The following GRXCR2 variants were observed in gnomAD, a reference collection of about 807,000 sequenced individuals.
The protein encoded by GRXCR2 is glutaredoxin domain-containing cysteine-rich protein 2.
A neutral mutation model predicts 24.8 loss-of-function variants in GRXCR2; 23 were observed. The observed-to-expected ratio is 0.93, with a 90% confidence interval of 0.67 to 1.32. The LOEUF (loss-of-function observed/expected upper bound fraction) is 1.32, where lower values mean the gene tolerates loss of function less well. GRXCR2 is among the 40% of genes most tolerant of loss of function. GRXCR2 has a pLI of 0.00. For missense variants in GRXCR2, 315 were observed against 303.4 expected (o/e 1.04, Z -0.28); for synonymous variants, 130 against 116.1 (o/e 1.12, Z -0.77).
chr5:145,923,669 T>A (rs1402148265), intron 2 of GRXCR2, among the ~76,000 whole-genome samples: 1 of 152,228 alleles, frequency 6.6e-6, no homozygotes, highest in African/African-American at 2.4e-5. Flanking sequence ...ATTCCCTGCA[T>A]GCACTTAAGT....
rs74686638 is a variant in GRXCR2 at position 145,859,113 on chromosome 5, C to T, written c.*620G>A. On this transcript the variant is annotated 3_prime_UTR_variant, in exon 3 of 3. Transcript: ENST00000377976. ...TCTTGACTTAAGAAATAGTATTGCTCACTGTCTGCATAAATATTATCCAAA... is the reference window on the plus strand; with the variant it reads ...TCTTGACTTAAGAAATAGTATTGCTTACTGTCTGCATAAATATTATCCAAA... 1,196 of 152,638 alleles carry T rather than the reference C, an allele frequency of 7.8e-3. 22 individuals carry two copies. Among genetic ancestry groups the T allele is most frequent in the African/African-American group, 0.027 (1,135 of 41,542 alleles). The allele number at this position is 152,638 out of a possible 1,614,324, so 9.5% of individuals were successfully genotyped here. A position where few individuals can be genotyped will look rare whatever the true frequency, so the allele number is the denominator to read the frequency against.
intron 2 of GRXCR2, among the ~76,000 whole-genome samples, chr5:145,912,820 A>C (rs1393509122): frequency 6.6e-6 from 1 of 152,152 alleles, no homozygotes; most frequent in Non-Finnish European, 1.5e-5. Flanking sequence ...CACCAAGGGC[A>C]GCTTGGACAA....
chr5:145,868,911 GGTT>G (rs1756478299), intron 1 of GRXCR2, among the ~76,000 whole-genome samples: 1 of 152,172 alleles, frequency 6.6e-6, no homozygotes, highest in Non-Finnish European at 1.5e-5. Context: ...CACGTTACGT[GGTT>G]ACATCAAATG....
At chr5:145,896,556 A>G (rs188346609) in intron 2 of GRXCR2, among the ~76,000 whole-genome samples, 129 of 152,372 alleles carry the variant, frequency 8.5e-4, no homozygotes, top group African/African-American at 3.0e-3. Context: ...TGGTCATCAG[A>G]GAAATGCAAA....
intron 2 of GRXCR2, among the ~76,000 whole-genome samples, chr5:145,927,067 C>T (rs966578033): frequency 4.6e-5 from 7 of 152,268 alleles, no homozygotes; most frequent in Middle Eastern, 6.8e-3. Flanking sequence ...GTGATTTTTG[C>T]ACATTGATTT....
At chr5:145,885,340 C>G (rs1054745248) in intron 2 of GRXCR2, among the ~76,000 whole-genome samples, 1 of 152,190 alleles carries the variant, frequency 6.6e-6, no homozygotes, top group African/African-American at 2.4e-5. Flanking sequence ...TTTCAAGAGA[C>G]TATTATATTT....
intron 2 of GRXCR2, among the ~76,000 whole-genome samples, chr5:145,881,871 C>G (rs559083907): frequency 1.3e-5 from 2 of 152,186 alleles, no homozygotes; most frequent in Non-Finnish European, 2.9e-5. Flanking sequence ...CACCACACAT[C>G]TACAACCATC....
chr5:145,928,150 A>G (rs899552978), intron 2 of GRXCR2, among the ~76,000 whole-genome samples: 1 of 151,982 alleles, frequency 6.6e-6, no homozygotes, highest in Non-Finnish European at 1.5e-5. Context: ...ACACATGAAA[A>G]AATGCTCATC....
intron 2 of GRXCR2, among the ~76,000 whole-genome samples, chr5:145,891,837 C>T (rs1245738333): frequency 6.6e-6 from 1 of 152,222 alleles, no homozygotes; most frequent in African/African-American, 2.4e-5. Context: ...ACTGCCTCCT[C>T]AAGTTGGTCC....
At chr5:145,864,147 A>G (rs1756388439) in intron 2 of GRXCR2, among the ~76,000 whole-genome samples, 1 of 152,106 alleles carries the variant, frequency 6.6e-6, no homozygotes, top group Non-Finnish European at 1.5e-5. Flanking sequence ...GATCCCTCTG[A>G]GGAAGTGATG....
chr5:145,921,989 T>G, intron 2 of GRXCR2, among the ~76,000 whole-genome samples: 1 of 152,314 alleles, frequency 6.6e-6, no homozygotes, highest in South Asian at 2.1e-4. Context: ...GGTGAAAACA[T>G]TTGTTGTCAA....
intron 2 of GRXCR2, among the ~76,000 whole-genome samples, chr5:145,884,271 G>C (rs1191396175): frequency 6.6e-6 from 1 of 152,030 alleles, no homozygotes; most frequent in Non-Finnish European, 1.5e-5. Flanking sequence ...ACAAGACACA[G>C]GTCTCATCAA....
chr5:145,871,144 C>A (rs1664815675), intron 1 of GRXCR2, among the ~76,000 whole-genome samples: 1 of 151,988 alleles, frequency 6.6e-6, no homozygotes, highest in African/African-American at 2.4e-5. Context: ...TCAAGCAACC[C>A]AAAATTTATC....
chr5:145,885,963 T>G (rs1756774266), intron 2 of GRXCR2, among the ~76,000 whole-genome samples: 1 of 152,206 alleles, frequency 6.6e-6, no homozygotes, highest in Admixed American at 6.5e-5. Context: ...CTGCCAGGCA[T>G]CCCACAGTCA....
upstream of GRXCR2, among the ~76,000 whole-genome samples, chr5:145,873,318 CAATT>C (rs1450833170): frequency 6.6e-6 from 1 of 152,180 alleles, no homozygotes; most frequent in East Asian, 1.9e-4. Flanking sequence ...ATCAGACACT[CAATT>C]AGTTAACAAG....
rs1484983879 is a variant in GRXCR2, at chr5:145,858,908, C to G, written c.*825G>C. The stretch of plus-strand genomic sequence containing the variant: ...GGTAATCTATAAAATACCTGCAGTC[C>G]TTTATGAAGAGATCATGGCTAGGTT... On this transcript the variant is annotated 3_prime_UTR_variant, in exon 3 of 3. Transcript: ENST00000377976. 2 of 152,162 alleles carry G rather than the reference C, an allele frequency of 1.3e-5. No homozygotes were observed. The highest frequency in any genetic ancestry group is 2.4e-5 in the African/African-American group (1 of 41,508). The allele number at this position is 152,162 out of a possible 1,614,324, so 9.4% of individuals were successfully genotyped here.
intron 2 of GRXCR2, among the ~76,000 whole-genome samples, chr5:145,892,911 G>C (rs111706760): frequency 0.14 from 20,620 of 152,156 alleles, 1,825 homozygotes; most frequent in Admixed American, 0.23. Context: ...AAAGGGAAGC[G>C]CATCAGACTA....
chr5:145,878,425 T>G (rs1254190620), intron 2 of GRXCR2, among the ~76,000 whole-genome samples: 1 of 151,912 alleles, frequency 6.6e-6, no homozygotes, highest in Non-Finnish European at 1.5e-5. Context: ...CTTGATTCAA[T>G]CAAGTGGAGG....
At chr5:145,926,704 A>G (rs1274019420) in intron 2 of GRXCR2, among the ~76,000 whole-genome samples, 1 of 152,104 alleles carries the variant, frequency 6.6e-6, no homozygotes, top group African/African-American at 2.4e-5. Context: ...TTGACTTGGC[A>G]ATGCAGGCTC....
Sources: allele counts gnomAD v4.1 joint callset (sites outside exome capture counted in the v4.1 genomes callset), GRCh38; gene constraint gnomAD v4.1.1; transcripts MANE v1.5; gene names NCBI Gene and HGNC (gene_info 2026-07-23, HGNC 2026-07-21).